LRRC38: variants seen among roughly 807,000 people sequenced by gnomAD.
LRRC38 encodes leucine rich repeat containing 38.
Under a neutral mutation model 16.4 loss-of-function variants are expected in LRRC38, and 5 were observed. The observed-to-expected ratio is 0.31, with a 90% CI of 0.16 to 0.64. LRRC38 has a LOEUF of 0.64. LRRC38 is among the 30% of genes least tolerant of loss of function. The pLI is 0.80. For missense variants in LRRC38, 341 were observed against 401.8 expected, an observed-to-expected ratio of 0.85 and a Z score of 1.29; for synonymous variants, 191 against 190.2, an observed-to-expected ratio of 1.00 and a Z score of -0.04.
chr1:13,481,398 T>TTTG (rs869188152), intron 1 of LRRC38, among the ~76,000 whole-genome samples: 154 of 149,756 alleles, frequency 1.0e-3, no homozygotes, highest in Middle Eastern at 7.1e-3. Context: ...TTTTTTTTTT[T>TTTG]GTTCTTTTTT....
At chr1:13,512,007 C>T (rs985062295) in intron 1 of LRRC38, among the ~76,000 whole-genome samples, 1 of 152,212 alleles carries the variant, frequency 6.6e-6, no homozygotes, top group Non-Finnish European at 1.5e-5. Flanking sequence ...ATGATGTGCG[C>T]CTTGCAGCTG....
At chr1:13,479,604 G>T (rs531203482) in intron 1 of LRRC38, among the ~76,000 whole-genome samples, 2 of 152,210 alleles carry the variant, frequency 1.3e-5, no homozygotes, top group Admixed American at 6.5e-5. Flanking sequence ...AAATGGGCTT[G>T]TTTGAAAAAC....
chr1:13,500,330 A>T (rs1639133900), intron 1 of LRRC38, among the ~76,000 whole-genome samples: 2 of 152,124 alleles, frequency 1.3e-5, no homozygotes, highest in Non-Finnish European at 2.9e-5. Context: ...TTTGCCCACA[A>T]GGAAATTCTC....
intron 1 of LRRC38, among the ~76,000 whole-genome samples, chr1:13,499,693 T>G (rs923710568): frequency 1.8e-4 from 27 of 151,884 alleles, no homozygotes; most frequent in Non-Finnish European, 2.6e-4. Context: ...GTGGGAGGGG[T>G]GGTCTCACGG....
intron 1 of LRRC38, among the ~76,000 whole-genome samples, chr1:13,498,249 C>A (rs796555082): frequency 1.7e-3 from 254 of 147,294 alleles, no homozygotes; most frequent in South Asian, 5.4e-3. Context: ...CAAAACAAAA[C>A]AAAAAAAAAA....
intron 1 of LRRC38, among the ~76,000 whole-genome samples, chr1:13,490,976 T>C (rs563154221): frequency 1.3e-5 from 2 of 152,324 alleles, no homozygotes; most frequent in South Asian, 4.1e-4. Flanking sequence ...AGGCATCCTA[T>C]TGGGAAGTAA....
intron 1 of LRRC38, among the ~76,000 whole-genome samples, chr1:13,508,885 G>A (rs1367264947): frequency 6.6e-6 from 1 of 152,182 alleles, no homozygotes; most frequent in African/African-American, 2.4e-5. Flanking sequence ...CGGAAGTGGA[G>A]CTTCGGGGAA....
At chr1:13,512,897 TG>T in intron 1 of LRRC38, 65 bp downstream of exon 1, 1 of 1,385,638 alleles carries the variant, frequency 7.2e-7, no homozygotes, top group Non-Finnish European at 9.7e-7. Context: ...CCACCCAGAC[TG>T]GGGTCTGGGG....
At chr1:13,496,192 T>A (rs1013023919) in intron 1 of LRRC38, among the ~76,000 whole-genome samples, 1 of 151,590 alleles carries the variant, frequency 6.6e-6, no homozygotes, top group African/African-American at 2.4e-5. Context: ...AGAGATAGAG[T>A]GTCTCGTTCT....
chr1:13,498,554 C>A (rs1639109877), intron 1 of LRRC38, among the ~76,000 whole-genome samples: 1 of 152,162 alleles, frequency 6.6e-6, no homozygotes, highest in Non-Finnish European at 1.5e-5. Context: ...TCGCTTGAAC[C>A]TGGGAGGCGG....
At chr1:13,492,865 T>A (rs1430288299) in intron 1 of LRRC38, among the ~76,000 whole-genome samples, 1 of 152,170 alleles carries the variant, frequency 6.6e-6, no homozygotes, top group Non-Finnish European at 1.5e-5. Flanking sequence ...TTCACGATTC[T>A]ATTATAAAAG....
At chr1:13,511,100 T>C (rs1249209681) in intron 1 of LRRC38, among the ~76,000 whole-genome samples, 1 of 152,146 alleles carries the variant, frequency 6.6e-6, no homozygotes, top group African/African-American at 2.4e-5. Flanking sequence ...CTCCTTGCTC[T>C]GAACCTGTCC....
chr1:13,508,692 G>A (rs1399257924), intron 1 of LRRC38, among the ~76,000 whole-genome samples: 1 of 152,164 alleles, frequency 6.6e-6, no homozygotes, highest in African/African-American at 2.4e-5. Context: ...GGAACATAAA[G>A]CTGCTTTTAT....
At position 13,475,893 on chromosome 1, in the gene LRRC38, C is replaced by T. The variant is rs944896039; in HGVS notation, c.838G>A (p.Ala280Thr). The change falls in exon 2 of 2, where the codon GCA becomes ACA. Residue 280 changes from alanine (A) to threonine (T), a missense_variant. Ala to Thr is a moderately conservative substitution (Grantham distance 58). Coordinates refer to ENST00000376085, the MANE Select transcript of LRRC38 (RefSeq NM_001010847.2). The surrounding 1 kb of genome is among the most constrained non-coding windows in gnomAD (Gnocchi z 4.3). ...TCATCCTCCGCATCTTTGTTGGGTG[C>T]GCACCTCTGGAGGCACTGCACCACA... ...ATVVQCLQRC[A>T]PNKDAEDEDE... 4.6e-5 allele frequency: 71 copies of T among 1,550,350 alleles called. No homozygotes were observed. The highest frequency in any genetic ancestry group is 8.2e-5 in the African/African-American group (6 of 72,992).
chr1:13,476,078 G>A lies in LRRC38; in HGVS notation c.653C>T (p.Ser218Phe), dbSNP rs1485027018. 3 of 1,550,422 alleles carry A rather than the reference G, an allele frequency of 1.9e-6. No individual in the cohort carries two copies. The East Asian group carries it at 7.3e-5, about 38-fold the overall frequency. ...LPKGLDEIQC[S>F]LPMESRRISL... ...TATCCTCCTGCTCTCCATGGGCAGG[G>A]AGCACTGGATTTCATCAAGGCCTGA... Residue 218 changes from serine to phenylalanine, a missense_variant, in exon 2 of 2, where the codon TCC becomes TTC. Coordinates refer to ENST00000376085, the MANE Select transcript of LRRC38 (RefSeq NM_001010847.2).
chr1:13,512,201 C>A (rs143200242), intron 1 of LRRC38, among the ~76,000 whole-genome samples: 38 of 152,246 alleles, frequency 2.5e-4, no homozygotes, highest in African/African-American at 8.9e-4. Context: ...TGCTGGGGTC[C>A]CCTCCTTCTC....
intron 1 of LRRC38, among the ~76,000 whole-genome samples, chr1:13,488,286 TGA>T (rs1420570885): frequency 6.7e-6 from 1 of 149,034 alleles, no homozygotes; most frequent in Non-Finnish European, 1.5e-5. Context: ...TTTTTTTGTC[TGA>T]GACAGAGTCC....
At chr1:13,500,264 A>C (rs1444976356) in intron 1 of LRRC38, among the ~76,000 whole-genome samples, 1 of 152,036 alleles carries the variant, frequency 6.6e-6, no homozygotes, top group Non-Finnish European at 1.5e-5. Context: ...CAAAAAAAAA[A>C]AAAAAGCTGC....
In LRRC38 at chr1:13,513,626, G is replaced by A; in HGVS notation, c.-33C>T. 9.5e-7 allele frequency: 1 copy of A among 1,055,466 alleles called. No homozygotes were observed. Among genetic ancestry groups the A allele is most frequent in the Non-Finnish European group, 1.1e-6 (1 of 877,154 alleles). The allele number at this position is 1,055,466 out of a possible 1,614,324, so 65.4% of individuals were successfully genotyped here. On this transcript the variant is annotated 5_prime_UTR_variant, in exon 1 of 2. Transcript: ENST00000376085. ...GGGCCCGCGCCGGCCGCGGCGAGAA[G>A]GAAGCGGCTCTCGGAGCGAGCCCTG...
Sources: allele counts gnomAD v4.1 joint callset (sites outside exome capture counted in the v4.1 genomes callset), GRCh38; gene constraint gnomAD v4.1.1; non-coding constraint Gnocchi (gnomAD v3.1); transcripts MANE v1.5; gene names NCBI Gene and HGNC (gene_info 2026-07-23, HGNC 2026-07-21).